PLEKHG6: variants seen among roughly 807,000 people sequenced by gnomAD.
The protein encoded by PLEKHG6 is pleckstrin homology domain-containing family G member 6.
A neutral mutation model predicts 97.5 loss-of-function variants in PLEKHG6; 91 were observed. The ratio of observed to expected loss-of-function variants is 0.93; its 90% CI spans 0.79 to 1.11. The LOEUF (loss-of-function observed/expected upper bound fraction) is 1.11, where lower values mean the gene tolerates loss of function less well. PLEKHG6 is among the 50% of genes most tolerant of loss of function. The pLI is 0.00. For synonymous variants in PLEKHG6, 466 were observed against 425.5 expected, an observed-to-expected ratio of 1.10 and a Z score of -1.17; for missense variants, 1,044 against 1,031.0, an observed-to-expected ratio of 1.01 and a Z score of -0.17.
intron 10 of PLEKHG6, 39 bp from the exon 11 acceptor site, chr12:6,318,262 C>A: frequency 1.9e-6 from 3 of 1,612,734 alleles, no homozygotes; most frequent in Non-Finnish European, 2.5e-6. Flanking sequence ...TCCAGGCAGA[C>A]TGCCGAGCGC....
At position 6,315,239 on chromosome 12, in the gene PLEKHG6, G is replaced by A; in HGVS notation, c.459+70G>A. 1 of 1,460,828 alleles carries A rather than the reference G, an allele frequency of 6.8e-7. No homozygotes were observed. Among genetic ancestry groups the A allele is most frequent in the Admixed American group, 2.1e-5 (1 of 46,652 alleles). 90.5% of individuals were successfully genotyped at this position (1,460,828 alleles called of 1,614,324 possible). On this transcript the variant is annotated intron_variant, in intron 4 of 15. Coordinates refer to ENST00000684764, the MANE Select transcript of PLEKHG6 (RefSeq NM_001384598.1). This position sits in a 1 kb window ranked among gnomAD's most constrained non-coding sequence, Gnocchi z 4.5. The stretch of plus-strand genomic sequence containing the variant: ...TGCACACACAGATTCTGCTCTAGAG[G>A]AGGGAAAGGCCTTGGGAAGTGGGGT...
At chr12:6,318,195 A>T in intron 10 of PLEKHG6, 106 bp from the exon 11 acceptor site, 1 of 1,552,322 alleles carries the variant, frequency 6.4e-7, no homozygotes, top group South Asian at 1.2e-5. Flanking sequence ...CCATGGGGGA[A>T]GGATACAAAC....
At chr12:6,320,135 A>T (rs1947655456) in intron 13 of PLEKHG6, among the ~76,000 whole-genome samples, 1 of 152,068 alleles carries the variant, frequency 6.6e-6, no homozygotes, top group Admixed American at 6.6e-5. Context: ...CAGCAGGGAG[A>T]GGCTAGGGGG....
chr12:6,316,060 T>G lies in PLEKHG6; in HGVS notation c.606+141T>G, dbSNP rs1947446936. 2.2e-6 allele frequency: 2 copies of G among 925,650 alleles called. No individual in the cohort carries two copies. The highest frequency in any genetic ancestry group is 3.3e-5 in the African/African-American group (2 of 60,046). The allele number at this position is 925,650 out of a possible 1,614,324, so 57.3% of individuals were successfully genotyped here. ...CTTGCCCTCCCTACTTCCCTGTTACTGGGGACTCCAAGCAGGCCACAGGCC... is the reference window on the plus strand; with the variant it reads ...CTTGCCCTCCCTACTTCCCTGTTACGGGGGACTCCAAGCAGGCCACAGGCC... On this transcript the variant is annotated intron_variant, in intron 6 of 15. Coordinates refer to ENST00000684764, the MANE Select transcript of PLEKHG6 (RefSeq NM_001384598.1). This position sits in a 1 kb window ranked among gnomAD's most constrained non-coding sequence, Gnocchi z 4.1.
In PLEKHG6 at chr12:6,317,455, G is replaced by GCTC. The variant is rs773813646; in HGVS notation, c.867+43_867+44insTCC. On this transcript the variant is annotated intron_variant, in intron 8 of 15. Transcript: ENST00000684764. ...TGGGGAGGGGGACGGGTGCATCTTAGCCGGCCGGTCTCCAGCTGAGCCTGA... is the reference window on the plus strand; with the variant it reads ...TGGGGAGGGGGACGGGTGCATCTTAGCTCCCGGCCGGTCTCCAGCTGAGCCTGA... 1.9e-6 allele frequency: 3 copies of GCTC among 1,609,526 alleles called. No individual in the cohort carries two copies. The African/African-American group carries it at 4.0e-5, about 22-fold the overall frequency.
intron 1 of PLEKHG6, among the ~76,000 whole-genome samples, chr12:6,311,891 T>C (rs1180031547): frequency 1.3e-5 from 2 of 152,102 alleles, no homozygotes; most frequent in Non-Finnish European, 2.9e-5. Flanking sequence ...TTGAGACCAG[T>C]GCAGGAGCTT....
rs1009033565 is a variant in PLEKHG6, at chr12:6,315,940, G to A, written c.606+21G>A. The A allele has an allele frequency of 1.3e-6, 2 of 1,569,146 alleles. No individual in the cohort carries two copies. Among genetic ancestry groups the A allele is most frequent in the African/African-American group, 1.4e-5 (1 of 74,022 alleles). ...TGGAAGTGAGTGGGTGCTCAGGAGG[G>A]GACCCTGGCACAGCCCGACCTCTGA... On this transcript the variant is annotated intron_variant, in intron 6 of 15. Coordinates refer to ENST00000684764, the MANE Select transcript of PLEKHG6 (RefSeq NM_001384598.1). This position sits in a 1 kb window ranked among gnomAD's most constrained non-coding sequence, Gnocchi z 4.5.
rs772615324 is a variant in PLEKHG6 at position 6,317,890 on chromosome 12, A to C, written c.1051A>C (p.Asn351His). The C allele has an allele frequency of 6.4e-7, 1 of 1,557,400 alleles. No homozygotes were observed. The highest frequency in any genetic ancestry group is 2.4e-5 in the East Asian group (1 of 41,700). Reference protein sequence around the residue: ...EAVESFLRHINGQVRQGEEQE... With the variant: ...EAVESFLRHIHGQVRQGEEQE... ...CGTGGAGTCATTCCTGCGACACATC[A>C]ATGGGCAGGTCCGCCAGGGCGAAGA... The change falls in exon 10 of 16, where the codon AAT (asparagine) becomes CAT (histidine). Residue 351 changes from asparagine to histidine, a missense_variant. Asn to His is a moderately conservative substitution (Grantham distance 68). Coordinates refer to ENST00000684764, the MANE Select transcript of PLEKHG6 (RefSeq NM_001384598.1).
rs1183471120 is a variant in PLEKHG6 at position 6,315,626 on chromosome 12, A to G, written c.532A>G (p.Arg178Gly). Reference sequence around the variant, plus strand: ...CCTGACCACCGAGCTGATCTACGTGAGAAAGCTCAAGATCATGACTGATGT... The same window carrying G: ...CCTGACCACCGAGCTGATCTACGTGGGAAAGCTCAAGATCATGACTGATGT... The part of the protein sequence containing the change: ...ELLTTELIYV[R>G]KLKIMTDLLA... Residue 178 changes from arginine (R) to glycine (G), a missense_variant, in exon 5 of 16, where the codon AGA (arginine) becomes GGA (glycine). Coordinates refer to ENST00000684764, the MANE Select transcript of PLEKHG6 (RefSeq NM_001384598.1). This position sits in a 1 kb window ranked among gnomAD's most constrained non-coding sequence, Gnocchi z 4.5. The G allele has an allele frequency of 6.3e-7, 1 of 1,587,954 alleles. No homozygotes were observed. The highest frequency in any genetic ancestry group is 8.6e-7 in the Non-Finnish European group (1 of 1,158,742).
intron 2 of PLEKHG6, chr12:6,312,789 G>C: frequency 8.3e-7 from 1 of 1,202,332 alleles, no homozygotes; most frequent in Non-Finnish European, 1.0e-6. Context: ...CCAGTGGTGG[G>C]TAGGGACAGG....
At position 6,316,275 on chromosome 12, in the gene PLEKHG6, T is replaced by A. The variant is rs1286773335; in HGVS notation, c.627T>A (p.Phe209Leu). 1 of 1,554,358 alleles carries A rather than the reference T, an allele frequency of 6.4e-7. No individual in the cohort carries two copies. The highest frequency in any genetic ancestry group is 8.7e-7 in the Non-Finnish European group (1 of 1,148,020). Reference protein sequence around the residue: ...LLMEVSAETLFGNVPSLIRTH... With the variant: ...LLMEVSAETLLGNVPSLIRTH... ...TCCAGGTGTCAGCTGAGACCCTGTT[T>A]GGAAATGTCCCCAGCCTGATTCGAA... Residue 209 changes from phenylalanine to leucine, a missense_variant, in exon 7 of 16, where the codon TTT becomes TTA. Coordinates refer to ENST00000684764, the MANE Select transcript of PLEKHG6 (RefSeq NM_001384598.1). The surrounding 1 kb of genome is among the most constrained non-coding windows in gnomAD (Gnocchi z 4.1).
rs114886692 is a variant in PLEKHG6 at position 6,312,644 on chromosome 12, T to A, written c.138+280T>A. 3.5e-3 allele frequency: 4,308 copies of A among 1,241,552 alleles called. 105 individuals carry two copies. The African/African-American group carries it at 0.055, about 16-fold the overall frequency. 76.9% of individuals were successfully genotyped at this position (1,241,552 alleles called of 1,614,324 possible). A position where few individuals can be genotyped will look rare whatever the true frequency, so the allele number is the denominator to read the frequency against. On this transcript the variant is annotated intron_variant, in intron 2 of 15. Coordinates refer to ENST00000684764, the MANE Select transcript of PLEKHG6 (RefSeq NM_001384598.1). The stretch of plus-strand genomic sequence containing the variant: ...CAGGTCTCAGACAAAGAGCTGCGGG[T>A]AAGGTCATCAAACCCCAGAGCTGGC...
In PLEKHG6 at chr12:6,316,038, G is replaced by A. The variant is rs1947446257; in HGVS notation, c.606+119G>A. 9.8e-7 allele frequency: 1 copy of A among 1,018,258 alleles called. No homozygotes were observed. The highest frequency in any genetic ancestry group is 1.4e-6 in the Non-Finnish European group (1 of 696,684). The allele number at this position is 1,018,258 out of a possible 1,614,324, so 63.1% of individuals were successfully genotyped here. ...ACTGCCCCGTTTTTTGGGATGCCTT[G>A]CCCTCCCTACTTCCCTGTTACTGGG... On this transcript the variant is annotated intron_variant, in intron 6 of 15. Coordinates refer to ENST00000684764, the MANE Select transcript of PLEKHG6 (RefSeq NM_001384598.1). The surrounding 1 kb of genome is among the most constrained non-coding windows in gnomAD (Gnocchi z 4.1).
At chr12:6,313,108 C>T (rs1381175704) in intron 2 of PLEKHG6, 2 of 1,538,808 alleles carry the variant, frequency 1.3e-6, no homozygotes, top group Admixed American at 2.0e-5. Context: ...GCTGTGGCTT[C>T]AGCCTTTCAC....
chr12:6,311,277 C>T (rs1006392481), intron 1 of PLEKHG6, among the ~76,000 whole-genome samples: 3 of 152,190 alleles, frequency 2.0e-5, no homozygotes, highest in Admixed American at 6.5e-5. Context: ...CCCCCAGCTC[C>T]ATGGTGGTAT....
At chr12:6,313,290 A>G in intron 2 of PLEKHG6, 1 of 1,119,132 alleles carries the variant, frequency 8.9e-7, no homozygotes, top group Non-Finnish European at 1.3e-6. Flanking sequence ...TGCACCCCCC[A>G]TGGTACGGAG....
chr12:6,325,165 T>TTCCCTC (rs1947822015), intron 13 of PLEKHG6, among the ~76,000 whole-genome samples: 2 of 152,072 alleles, frequency 1.3e-5, no homozygotes, highest in African/African-American at 4.8e-5. Context: ...CCACCTTCTC[T>TTCCCTC]TCCCTCTCCC....
intron 13 of PLEKHG6, among the ~76,000 whole-genome samples, chr12:6,324,326 G>C (rs1393596629): frequency 2.0e-5 from 3 of 149,774 alleles, no homozygotes; most frequent in Non-Finnish European, 4.4e-5. Flanking sequence ...CCTCTTCCTG[G>C]GGTCGGGCAA....
At chr12:6,326,783 C>G (rs1023747340) in intron 14 of PLEKHG6, among the ~76,000 whole-genome samples, 3 of 152,116 alleles carry the variant, frequency 2.0e-5, no homozygotes, top group African/African-American at 4.8e-5. Context: ...AGGGCACAGA[C>G]AGCCTACAGA....
Sources: gnomAD v4.1 joint callset for allele counts (sites outside exome capture counted in the v4.1 genomes callset) on GRCh38, gnomAD v4.1.1 for gene constraint, Gnocchi (gnomAD v3.1) non-coding constraint, MANE v1.5 for transcripts, NCBI Gene and HGNC (gene_info 2026-07-23, HGNC 2026-07-21) for gene names.